MACROD2: variants seen among roughly 807,000 people sequenced by gnomAD.
The protein encoded by MACROD2 is mono-ADP ribosylhydrolase 2.
MACROD2 carries 36 observed loss-of-function variants against 70.4 expected under a neutral mutation model. The observed-to-expected ratio is 0.51, with a 90% CI of 0.39 to 0.68. The LOEUF is 0.68. MACROD2 is among the 30% of genes least tolerant of loss of function. MACROD2 has a pLI of 0.00. For synonymous variants in MACROD2, 172 were observed against 178.8 expected (o/e 0.96, Z 0.30); for missense variants, 496 against 538.4 (o/e 0.92, Z 0.78).
intron 8 of MACROD2, among the ~76,000 whole-genome samples, chr20:15,806,062 A>C (rs1457673824): frequency 6.6e-6 from 1 of 152,242 alleles, no homozygotes; most frequent in Non-Finnish European, 1.5e-5. Flanking sequence ...CTGGAGATAT[A>C]GTCAGTATTT....
chr20:15,929,309 A>G lies in MACROD2; in HGVS notation c.776-3967A>G, dbSNP rs78810492. Reference sequence around the variant, plus strand: ...AGCAACAAATCCTTTTATGCAGTGCATGTAAATCCTTTGCTCACATTCTCT... The same window carrying G: ...AGCAACAAATCCTTTTATGCAGTGCGTGTAAATCCTTTGCTCACATTCTCT... On this transcript the variant is annotated intron_variant, in intron 10 of 17. Transcript: ENST00000684519. Among the ~76,000 whole-genome samples, 85 of 152,312 alleles carry G rather than the reference A, an allele frequency of 5.6e-4. 1 individual carries two copies. The East Asian group carries it at 0.015, about 27-fold the overall frequency.
chr20:14,923,211 AC>A (rs1191016013), intron 5 of MACROD2, among the ~76,000 whole-genome samples: 3 of 152,126 alleles, frequency 2.0e-5, no homozygotes, highest in Non-Finnish European at 4.4e-5. Context: ...CCCACTCATT[AC>A]TGAAGAGCCC....
At chr20:15,147,445 T>A (rs930633492) in intron 5 of MACROD2, among the ~76,000 whole-genome samples, 2 of 140,880 alleles carry the variant, frequency 1.4e-5, no homozygotes, top group East Asian at 2.1e-4. Flanking sequence ...TTTTTTTTTT[T>A]ACCCAGCCAG....
chr20:15,472,588 T>G (rs1234296830), intron 7 of MACROD2, among the ~76,000 whole-genome samples: 1 of 152,216 alleles, frequency 6.6e-6, no homozygotes, highest in African/African-American at 2.4e-5. Flanking sequence ...ACTATTTCTT[T>G]CACCTTGTTC....
intron 3 of MACROD2, among the ~76,000 whole-genome samples, chr20:14,145,910 T>A (rs2054936685): frequency 6.6e-6 from 1 of 152,220 alleles, no homozygotes; most frequent in African/African-American, 2.4e-5. Flanking sequence ...TTTGTGCATA[T>A]TAGTTTATTG....
intron 3 of MACROD2, among the ~76,000 whole-genome samples, chr20:14,328,269 TAAC>T (rs2082770810): frequency 6.6e-6 from 1 of 152,170 alleles, no homozygotes; most frequent in African/African-American, 2.4e-5. Context: ...TACATCCAGC[TAAC>T]CTAAGTGGAA....
chr20:14,864,412 T>C (rs1347104924), intron 5 of MACROD2, among the ~76,000 whole-genome samples: 1 of 152,164 alleles, frequency 6.6e-6, no homozygotes, highest in Non-Finnish European at 1.5e-5. Flanking sequence ...TATGGATTTA[T>C]AAATCAGTAA....
chr20:14,326,456 C>A lies in MACROD2; in HGVS notation c.272-167023C>A. Reference sequence around the variant, plus strand: ...CCACTGTCCTTACAATCAAACAGTTCTGCATTGAGATCCTTAATAGCCATC... The same window carrying A: ...CCACTGTCCTTACAATCAAACAGTTATGCATTGAGATCCTTAATAGCCATC... On this transcript the variant is annotated intron_variant, in intron 3 of 17. Coordinates refer to ENST00000684519, the MANE Select transcript of MACROD2 (RefSeq NM_001351661.2). The surrounding 1 kb of genome is among the most constrained non-coding windows in gnomAD (Gnocchi z 5.5). 1.9e-6 allele frequency: 3 copies of A among 1,613,844 alleles called. No homozygotes were observed. The highest frequency in any genetic ancestry group is 2.5e-6 in the Non-Finnish European group (3 of 1,179,850).
intron 4 of MACROD2, among the ~76,000 whole-genome samples, chr20:14,586,728 C>T (rs1349749031): frequency 6.6e-6 from 1 of 151,960 alleles, no homozygotes; most frequent in Non-Finnish European, 1.5e-5. Flanking sequence ...CATTTAGTCT[C>T]CCAAAGTTTT....
At chr20:14,874,482 A>G (rs921695799) in intron 5 of MACROD2, among the ~76,000 whole-genome samples, 1 of 151,378 alleles carries the variant, frequency 6.6e-6, no homozygotes, top group African/African-American at 2.4e-5. Flanking sequence ...ATTCACAAAC[A>G]AACTTTATAG....
intron 8 of MACROD2, among the ~76,000 whole-genome samples, chr20:15,531,784 TTAGCAAAATAATTATTCAC>T (rs1363402796): frequency 3.9e-5 from 6 of 152,154 alleles, no homozygotes. Context: ...AGAATAAAAT[TTAGCAAAATAATTATTCAC>T]TAAAGAAATA....
intron 5 of MACROD2, chr20:15,197,110 G>T (rs750830130): frequency 1.0e-4 from 79 of 759,566 alleles, no homozygotes; most frequent in Non-Finnish European, 1.2e-4. Context: ...TTCATGCCCT[G>T]GTGAGTTTCC....
intron 6 of MACROD2, among the ~76,000 whole-genome samples, chr20:15,271,771 C>T (rs1267720923): frequency 6.6e-6 from 1 of 152,198 alleles, no homozygotes; most frequent in African/African-American, 2.4e-5. Context: ...AAGCTGATTT[C>T]CCTACCCTAA....
intron 5 of MACROD2, among the ~76,000 whole-genome samples, chr20:15,128,957 GCTTC>G (rs1815789131): frequency 1.3e-5 from 2 of 151,690 alleles, no homozygotes; most frequent in East Asian, 1.9e-4. Context: ...TCATTTTAAT[GCTTC>G]CTTCTTGTTT....
intron 5 of MACROD2, among the ~76,000 whole-genome samples, chr20:14,732,608 G>T (rs78169889): frequency 6.6e-6 from 1 of 152,236 alleles, no homozygotes; most frequent in Non-Finnish European, 1.5e-5. Flanking sequence ...GCATTATAAA[G>T]GAAAGTCGAT....
At chr20:14,393,569 G>T (rs991629233) in intron 3 of MACROD2, among the ~76,000 whole-genome samples, 2 of 151,938 alleles carry the variant, frequency 1.3e-5, no homozygotes, top group Non-Finnish European at 2.9e-5. Context: ...ATCATCTTGT[G>T]CAAAGCCCTC....
At chr20:15,212,917 C>G (rs560539778) in intron 5 of MACROD2, among the ~76,000 whole-genome samples, 3 of 152,314 alleles carry the variant, frequency 2.0e-5, no homozygotes, top group South Asian at 2.1e-4. Context: ...AATAGAAATA[C>G]TGAGAGTGTG....
At chr20:15,791,829 T>C (rs962079984) in intron 8 of MACROD2, among the ~76,000 whole-genome samples, 25 of 152,078 alleles carry the variant, frequency 1.6e-4, no homozygotes, top group African/African-American at 6.0e-4. Flanking sequence ...ACCACAATAT[T>C]ATACATTGAC....
intron 2 of MACROD2, among the ~76,000 whole-genome samples, chr20:14,014,551 G>T (rs939401555): frequency 8.5e-5 from 13 of 152,110 alleles, no homozygotes; most frequent in African/African-American, 3.1e-4. Flanking sequence ...AATACGATGA[G>T]AATAAATTGG....
Sources: allele counts gnomAD v4.1 joint callset (sites outside exome capture counted in the v4.1 genomes callset), GRCh38; gene constraint gnomAD v4.1.1; non-coding constraint Gnocchi (gnomAD v3.1); transcripts MANE v1.5; gene names NCBI Gene and HGNC (gene_info 2026-07-23, HGNC 2026-07-21).